Variants in PEAK1 observed in about 807,000 individuals in gnomAD.
PEAK1 encodes the protein inactive tyrosine-protein kinase PEAK1.
Under a neutral mutation model 124.7 loss-of-function variants are expected in PEAK1, and 54 were observed. The ratio of observed to expected loss-of-function variants is 0.43; its 90% CI spans 0.35 to 0.54. The LOEUF (loss-of-function observed/expected upper bound fraction) is 0.54. Among genes scored for constraint, PEAK1 ranks in the 20% least tolerant of loss-of-function variants. PEAK1 has a pLI of 0.01. For synonymous variants in PEAK1, 719 were observed against 760.0 expected (o/e 0.95, Z 0.89); for missense variants, 2,046 against 2,134.5 (o/e 0.96, Z 0.82).
chr15:77,398,105 C>T (rs553923846), intron 1 of PEAK1, among the ~76,000 whole-genome samples: 12 of 152,092 alleles, frequency 7.9e-5, no homozygotes, highest in African/African-American at 2.9e-4. Context: ...GAGATCAATG[C>T]TATAATAAAA....
At chr15:77,343,482 C>CTTTTT (rs60121928) in intron 2 of PEAK1, among the ~76,000 whole-genome samples, 2 of 97,954 alleles carry the variant, frequency 2.0e-5, no homozygotes, top group African/African-American at 3.8e-5. Flanking sequence ...GTCCAACTTA[C>CTTTTT]TTTTTTTTTT....
At chr15:77,416,750 C>A (rs1322362722) in intron 1 of PEAK1, among the ~76,000 whole-genome samples, 1 of 152,124 alleles carries the variant, frequency 6.6e-6, no homozygotes, top group Non-Finnish European at 1.5e-5. Context: ...GTAAATTACA[C>A]ACCAGATTCT....
chr15:77,352,780 A>T, intron 2 of PEAK1: 2 of 978,146 alleles, frequency 2.0e-6, no homozygotes, highest in Non-Finnish European at 2.4e-6. Flanking sequence ...AAAAGTCAGG[A>T]TCAACTTCTC....
rs553760169 is a variant in PEAK1 at position 77,234,202 on chromosome 15, A to G, written c.-115+18165T>C. On this transcript the variant is annotated intron_variant, in intron 6 of 9. Coordinates refer to ENST00000682557, the MANE Select transcript of PEAK1 (RefSeq NM_001385026.1). ...TTTATTACTGTAAACCTTATGCATAAAAGTTCTTATAATTTTACAAATTTC... is the reference window on the plus strand; with the variant it reads ...TTTATTACTGTAAACCTTATGCATAGAAGTTCTTATAATTTTACAAATTTC... Among the ~76,000 whole-genome samples, 3 of 152,282 alleles carry G rather than the reference A, an allele frequency of 2.0e-5. No individual in the cohort carries two copies. In the East Asian group the frequency reaches 5.8e-4, roughly 29 times the overall value.
intron 9 of PEAK1, among the ~76,000 whole-genome samples, chr15:77,130,627 T>G (rs2052775811): frequency 1.3e-5 from 2 of 152,212 alleles, no homozygotes; most frequent in Non-Finnish European, 2.9e-5. Context: ...AATTAACATG[T>G]AAAAGTCATT....
At chr15:77,118,930 T>C (rs954933930) in intron 9 of PEAK1, among the ~76,000 whole-genome samples, 2 of 152,336 alleles carry the variant, frequency 1.3e-5, no homozygotes, top group Admixed American at 6.5e-5. Context: ...CTATATTTTC[T>C]GAAAGGCAAG....
At chr15:77,253,244 T>TG (rs377748179) in intron 5 of PEAK1, among the ~76,000 whole-genome samples, 29,911 of 126,142 alleles carry the variant, frequency 0.24, 4,193 homozygotes, top group Middle Eastern at 0.32. Context: ...TTGGTATGCG[T>TG]TGGGGGGGGG....
At chr15:77,347,497 T>C in intron 2 of PEAK1, 1 of 985,406 alleles carries the variant, frequency 1.0e-6, no homozygotes, top group Admixed American at 6.1e-5. Context: ...AGGTGATATC[T>C]GAGGCTTATA....
At chr15:77,147,756 T>A (rs2054276535) in intron 8 of PEAK1, among the ~76,000 whole-genome samples, 1 of 152,184 alleles carries the variant, frequency 6.6e-6, no homozygotes, top group Admixed American at 6.5e-5. Context: ...GCAACCTTCT[T>A]AAGTTGTCAA....
rs746082289 is a variant in PEAK1, at chr15:77,179,484, C to A, written c.2443G>T (p.Val815Phe). 15 of 1,613,998 alleles carry A rather than the reference C, an allele frequency of 9.3e-6. No homozygotes were observed. Among genetic ancestry groups the A allele is most frequent in the Non-Finnish European group, 1.2e-5 (14 of 1,180,020 alleles). Reference protein sequence around the residue: ...VAKSTPKSTPVRPKSLFTSQP... With the variant: ...VAKSTPKSTPFRPKSLFTSQP... The stretch of plus-strand genomic sequence containing the variant: ...GATGTAAAGAGAGATTTGGGCCGGA[C>A]TGGCGTACTCTTAGGTGTGCTCTTA... Residue 815 changes from valine (V) to phenylalanine (F), a missense_variant, in exon 7 of 10, where the codon GTC becomes TTC. Physicochemically the swap from Val to Phe is conservative, Grantham distance 50 (BLOSUM62 -1). Coordinates refer to ENST00000682557, the MANE Select transcript of PEAK1 (RefSeq NM_001385026.1).
At chr15:77,258,078 T>C (rs184111726) in intron 5 of PEAK1, among the ~76,000 whole-genome samples, 1 of 152,314 alleles carries the variant, frequency 6.6e-6, no homozygotes, top group African/African-American at 2.4e-5. Flanking sequence ...TTCTGTTCCA[T>C]TGATCTATAT....
At chr15:77,329,473 CCTCT>C (rs1202084812) in intron 2 of PEAK1, among the ~76,000 whole-genome samples, 1 of 152,144 alleles carries the variant, frequency 6.6e-6, no homozygotes. Context: ...ATTTTAATCC[CCTCT>C]CTGCCAACCA....
intron 5 of PEAK1, among the ~76,000 whole-genome samples, chr15:77,272,387 G>A (rs1046592930): frequency 6.6e-6 from 1 of 152,086 alleles, no homozygotes; most frequent in African/African-American, 2.4e-5. Flanking sequence ...AGAAAGAAGA[G>A]AGAAGATCCA....
chr15:77,352,276 C>T, intron 2 of PEAK1: 4 of 985,330 alleles, frequency 4.1e-6, no homozygotes, highest in South Asian at 4.7e-5. Context: ...CTAGCCATAC[C>T]TCTCCCCCAG....
chr15:77,286,691 A>G (rs191200866), intron 2 of PEAK1, among the ~76,000 whole-genome samples, 187 bp from the exon 3 acceptor site: 3 of 152,350 alleles, frequency 2.0e-5, no homozygotes, highest in Admixed American at 2.0e-4. Context: ...CAGAAACATT[A>G]TAGGCTTAAG....
intron 2 of PEAK1, chr15:77,337,978 T>C: frequency 1.0e-6 from 1 of 984,198 alleles, no homozygotes; most frequent in Non-Finnish European, 1.2e-6. Context: ...TCATACCACT[T>C]TCTGGAACCT....
intron 9 of PEAK1, 82 bp downstream of exon 9, chr15:77,132,923 G>A: frequency 7.2e-7 from 1 of 1,382,466 alleles, no homozygotes; most frequent in Non-Finnish European, 9.9e-7. Flanking sequence ...ATGAAGGAAA[G>A]AAAGGAGAAA....
intron 2 of PEAK1, chr15:77,352,305 G>A (rs1267364054): frequency 1.3e-5 from 13 of 985,132 alleles, no homozygotes; most frequent in African/African-American, 1.7e-5. Flanking sequence ...CAGTGCAGAG[G>A]GCCAAATCGA....
intron 6 of PEAK1, among the ~76,000 whole-genome samples, chr15:77,195,841 G>A (rs1283613040): frequency 6.6e-6 from 1 of 152,164 alleles, no homozygotes; most frequent in African/African-American, 2.4e-5. Flanking sequence ...TGTTGCCGAC[G>A]CTCCATCCTG....
Sources: allele counts gnomAD v4.1 joint callset (sites outside exome capture counted in the v4.1 genomes callset), GRCh38; gene constraint gnomAD v4.1.1; transcripts MANE v1.5; gene names NCBI Gene and HGNC (gene_info 2026-07-23, HGNC 2026-07-21).